EPHA6: variants seen among roughly 807,000 people sequenced by gnomAD.
EPHA6 encodes ephrin type-A receptor 6.
In EPHA6, 50 loss-of-function variants were observed where a neutral mutation model predicts 112.0. The ratio of observed to expected loss-of-function variants is 0.45; its 90% CI spans 0.36 to 0.56. The LOEUF (loss-of-function observed/expected upper bound fraction) is 0.56. Among genes scored for constraint, EPHA6 ranks in the 20% least tolerant of loss-of-function variants. The probability of loss-of-function intolerance (pLI) is 0.00; values close to 1 mark genes in which losing one functional copy is unlikely to be tolerated. For synonymous variants in EPHA6, 529 were observed against 490.7 expected (o/e 1.08, Z -1.03); for missense variants, 1,280 against 1,417.4 (o/e 0.90, Z 1.56).
intron 5 of EPHA6, among the ~76,000 whole-genome samples, chr3:97,332,839 A>G (rs1301348669): frequency 1.3e-5 from 2 of 152,072 alleles, no homozygotes; most frequent in Non-Finnish European, 2.9e-5. Flanking sequence ...AGTCCCTTCA[A>G]TACTACACTG....
At chr3:96,938,444 T>A (rs975404842) in intron 2 of EPHA6, among the ~76,000 whole-genome samples, 1 of 151,996 alleles carries the variant, frequency 6.6e-6, no homozygotes, top group Non-Finnish European at 1.5e-5. Flanking sequence ...CTTGTGATTT[T>A]TGTACATTGA....
intron 2 of EPHA6, among the ~76,000 whole-genome samples, chr3:96,945,615 T>G (rs2041215102): frequency 2.0e-5 from 3 of 152,156 alleles, no homozygotes; most frequent in Admixed American, 2.0e-4. Flanking sequence ...TTTTTCTAGG[T>G]TTTTTGGAGG....
At chr3:97,059,810 A>C (rs940284572) in intron 3 of EPHA6, among the ~76,000 whole-genome samples, 2 of 151,892 alleles carry the variant, frequency 1.3e-5, no homozygotes, top group African/African-American at 4.8e-5. Flanking sequence ...TGTGTTGAGC[A>C]TATCCATAGT....
chr3:97,066,551 G>C (rs967515711), intron 3 of EPHA6, among the ~76,000 whole-genome samples: 10 of 152,144 alleles, frequency 6.6e-5, no homozygotes, highest in Non-Finnish European at 1.5e-4. Flanking sequence ...AGACATACCA[G>C]TGTTCCAAAT....
In EPHA6 at chr3:97,551,558, G is replaced by A. The variant is rs112543051; in HGVS notation, c.2386+19015G>A. 5.8e-3 allele frequency among the ~76,000 whole-genome samples: 887 copies of A among 152,166 alleles called. 6 individuals carry two copies. Among genetic ancestry groups the A allele is most frequent in the Non-Finnish European group, 9.8e-3 (663 of 67,956 alleles). On this transcript the variant is annotated intron_variant, in intron 11 of 17. Coordinates refer to ENST00000389672, the MANE Select transcript of EPHA6 (RefSeq NM_001080448.3). ...CTTTCTCCTGCACATTAACAAGCAT[G>A]ATTCTTTTGAAATAGGTTTAGTTTT...
At chr3:97,427,381 C>A (rs1327124677) in intron 6 of EPHA6, among the ~76,000 whole-genome samples, 2 of 152,084 alleles carry the variant, frequency 1.3e-5, no homozygotes, top group Non-Finnish European at 2.9e-5. Context: ...GAGATCATGG[C>A]CTTTCCAGGA....
intron 3 of EPHA6, among the ~76,000 whole-genome samples, chr3:97,184,137 T>C (rs2077061015): frequency 1.3e-5 from 2 of 152,230 alleles, no homozygotes; most frequent in South Asian, 4.1e-4. Flanking sequence ...TAAAACAATT[T>C]CTTGAGAATA....
chr3:97,394,122 C>T (rs533808749), intron 5 of EPHA6, among the ~76,000 whole-genome samples: 1 of 151,726 alleles, frequency 6.6e-6, no homozygotes, highest in East Asian at 1.9e-4. Flanking sequence ...CATCTATTTG[C>T]AGCCAACTGC....
At chr3:97,516,957 A>T (rs61620501) in intron 10 of EPHA6, among the ~76,000 whole-genome samples, 3,501 of 152,168 alleles carry the variant, frequency 0.023, 123 homozygotes, top group African/African-American at 0.077. Flanking sequence ...TTTATTATGT[A>T]CTAGGTGCTG....
chr3:97,593,265 C>T (rs1473851501), intron 12 of EPHA6, among the ~76,000 whole-genome samples: 1 of 152,036 alleles, frequency 6.6e-6, no homozygotes, highest in Non-Finnish European at 1.5e-5. Flanking sequence ...TGACCAAAGC[C>T]ATATTTTATT....
chr3:97,683,488 T>C (rs1463678623), intron 14 of EPHA6, among the ~76,000 whole-genome samples: 1 of 152,204 alleles, frequency 6.6e-6, no homozygotes, highest in African/African-American at 2.4e-5. Context: ...TCTGAGGTAT[T>C]CAATTGCTTT....
intron 6 of EPHA6, among the ~76,000 whole-genome samples, chr3:97,429,539 T>C (rs939341512): frequency 7.2e-5 from 11 of 152,184 alleles, no homozygotes; most frequent in African/African-American, 2.7e-4. Flanking sequence ...TTATCTGTTC[T>C]TAATCAGTTT....
At chr3:97,209,463 A>C (rs2077805975) in intron 3 of EPHA6, among the ~76,000 whole-genome samples, 1 of 152,134 alleles carries the variant, frequency 6.6e-6, no homozygotes, top group Non-Finnish European at 1.5e-5. Flanking sequence ...CTATTTGTAA[A>C]ATGAGGACAT....
chr3:97,159,018 T>A (rs2076353454), intron 3 of EPHA6, among the ~76,000 whole-genome samples: 1 of 152,108 alleles, frequency 6.6e-6, no homozygotes, highest in Admixed American at 6.6e-5. Context: ...CTAAATGAGT[T>A]TGGGGTCCCA....
At chr3:97,387,330 T>TTTG (rs2109044854) in intron 5 of EPHA6, among the ~76,000 whole-genome samples, 1 of 152,136 alleles carries the variant, frequency 6.6e-6, no homozygotes, top group African/African-American at 2.4e-5. Context: ...TTTTTTTTTT[T>TTTG]TTGCTTATGC....
At chr3:97,631,979 A>G (rs2093907113) in intron 13 of EPHA6, among the ~76,000 whole-genome samples, 1 of 152,032 alleles carries the variant, frequency 6.6e-6, no homozygotes, top group South Asian at 2.1e-4. Flanking sequence ...AGAAAGAAAT[A>G]TAGCAGATAT....
At chr3:97,136,385 T>G (rs964295304) in intron 3 of EPHA6, among the ~76,000 whole-genome samples, 2 of 152,026 alleles carry the variant, frequency 1.3e-5, no homozygotes, top group Non-Finnish European at 2.9e-5. Context: ...AAAACTCAAC[T>G]GCTATGTTAA....
chr3:97,134,050 A>T (rs1012060934), intron 3 of EPHA6, among the ~76,000 whole-genome samples: 3 of 152,052 alleles, frequency 2.0e-5, no homozygotes, highest in Non-Finnish European at 2.9e-5. Flanking sequence ...TAAAAAAAAG[A>T]GCCTACATAA....
intron 5 of EPHA6, among the ~76,000 whole-genome samples, chr3:97,323,961 T>A (rs2082242641): frequency 6.6e-6 from 1 of 151,964 alleles, no homozygotes; most frequent in Admixed American, 6.6e-5. Flanking sequence ...ACTTAGTCTA[T>A]GAATTGAAGC....
Sources: allele counts gnomAD v4.1 joint callset (sites outside exome capture counted in the v4.1 genomes callset), GRCh38; gene constraint gnomAD v4.1.1; transcripts MANE v1.5; gene names NCBI Gene and HGNC (gene_info 2026-07-23, HGNC 2026-07-21).